The following GUCY2C variants were observed in gnomAD, a reference collection of about 807,000 sequenced individuals.
GUCY2C encodes the protein guanylate cyclase 2C.
Under a neutral mutation model 131.1 loss-of-function variants are expected in GUCY2C, and 118 were observed. The ratio of observed to expected loss-of-function variants is 0.90; its 90% CI spans 0.78 to 1.05. The LOEUF (loss-of-function observed/expected upper bound fraction) is 1.05. Ranked by LOEUF, GUCY2C falls within the 50% of genes least tolerant of loss-of-function variation. The pLI, the probability that GUCY2C is intolerant of heterozygous loss-of-function variation, is 0.00. For synonymous variants in GUCY2C, 452 were observed against 457.8 expected, an observed-to-expected ratio of 0.99 and a Z score of 0.16; for missense variants, 1,161 against 1,304.4, an observed-to-expected ratio of 0.89 and a Z score of 1.69.
intron 12 of GUCY2C, among the ~76,000 whole-genome samples, chr12:14,655,227 GT>G (rs1160284006): frequency 7.2e-5 from 11 of 152,280 alleles, no homozygotes; most frequent in Admixed American, 1.3e-4. Flanking sequence ...TTAACACTAG[GT>G]ACTTCCAGTT....
At chr12:14,653,623 C>T (rs769531873) in intron 12 of GUCY2C, among the ~76,000 whole-genome samples, 31 of 152,332 alleles carry the variant, frequency 2.0e-4, no homozygotes, top group South Asian at 1.4e-3. Flanking sequence ...CAACTGCAGG[C>T]CACATATGGC....
At chr12:14,654,846 G>C (rs1343745062) in intron 12 of GUCY2C, among the ~76,000 whole-genome samples, 1 of 152,250 alleles carries the variant, frequency 6.6e-6, no homozygotes, top group African/African-American at 2.4e-5. Context: ...CCTCTTCCTA[G>C]TGTTATATTA....
chr12:14,625,942 C>CT, intron 20 of GUCY2C, 27 bp from the exon 21 acceptor site: 3 of 1,362,530 alleles, frequency 2.2e-6, no homozygotes, highest in Non-Finnish European at 2.1e-6. Flanking sequence ...ATAAAGAGCT[C>CT]TTATATATTA....
chr12:14,688,966 G>A (rs541445066), intron 1 of GUCY2C, among the ~76,000 whole-genome samples: 17 of 152,216 alleles, frequency 1.1e-4, no homozygotes, highest in Admixed American at 2.0e-4. Context: ...CCATGTGGAC[G>A]TTAGTAAGTG....
chr12:14,672,071 C>T (rs911095358), intron 9 of GUCY2C, among the ~76,000 whole-genome samples: 5 of 67,256 alleles, frequency 7.4e-5, no homozygotes, highest in Non-Finnish European at 2.8e-5. Context: ...ATAACACTCA[C>T]ATTGGAAAAT....
intron 5 of GUCY2C, among the ~76,000 whole-genome samples, chr12:14,681,058 G>A (rs144717606): frequency 1.3e-5 from 2 of 152,268 alleles, no homozygotes; most frequent in Non-Finnish European, 2.9e-5. Context: ...ACAGTCTGCT[G>A]AGGGTGGGTC....
chr12:14,623,537 T>C (rs1410806648), intron 21 of GUCY2C, among the ~76,000 whole-genome samples: 3 of 152,232 alleles, frequency 2.0e-5, no homozygotes, highest in Non-Finnish European at 4.4e-5. Flanking sequence ...ATAGATGCAA[T>C]GACAAAATTG....
At chr12:14,673,921 C>G (rs559791127) in intron 8 of GUCY2C, among the ~76,000 whole-genome samples, 1 of 152,186 alleles carries the variant, frequency 6.6e-6, no homozygotes, top group Admixed American at 6.5e-5. Flanking sequence ...GTGCAGCCCT[C>G]AGTCCTAATG....
At chr12:14,679,391 C>T (rs1223390997) in intron 6 of GUCY2C, among the ~76,000 whole-genome samples, 1 of 152,056 alleles carries the variant, frequency 6.6e-6, no homozygotes, top group East Asian at 1.9e-4. Flanking sequence ...CTGAGCAGGC[C>T]TCAGTCATAA....
chr12:14,690,763 G>A (rs538766369), intron 1 of GUCY2C, among the ~76,000 whole-genome samples: 4 of 152,130 alleles, frequency 2.6e-5, no homozygotes, highest in African/African-American at 7.2e-5. Flanking sequence ...GGATGGTCTC[G>A]ATCTCCTGAC....
chr12:14,691,515 G>T (rs1230176833), intron 1 of GUCY2C, among the ~76,000 whole-genome samples: 2 of 152,162 alleles, frequency 1.3e-5, no homozygotes, highest in African/African-American at 4.8e-5. Flanking sequence ...TAGGGTTAGA[G>T]AGGGTCTTGG....
rs145023570 is a variant in GUCY2C, at chr12:14,677,173, G to T, written c.831-202C>A. On this transcript the variant is annotated intron_variant, in intron 6 of 26. Coordinates refer to ENST00000261170, the MANE Select transcript of GUCY2C (RefSeq NM_004963.4). ...TAAATAAGAGAATTTAAGCAATTGT[G>T]GTTAACATACACAAAAGGAAAAGAA... Among the ~76,000 whole-genome samples the T allele has an allele frequency of 3.8e-3, 584 of 152,204 alleles. 9 individuals are homozygous for T. The highest frequency in any genetic ancestry group is 0.013 in the African/African-American group (552 of 41,536).
At chr12:14,652,892 AG>A (rs1263310402) in intron 13 of GUCY2C, 59 bp downstream of exon 13, 2 of 1,062,348 alleles carry the variant, frequency 1.9e-6, no homozygotes, top group Non-Finnish European at 3.0e-6. Flanking sequence ...CAGGGCAATG[AG>A]GGGTCAAAAG....
chr12:14,643,581 T>G lies in GUCY2C; in HGVS notation c.1923A>C (p.Pro641=). 6.2e-7 allele frequency: 1 copy of G among 1,613,956 alleles called. No individual in the cohort carries two copies. Among genetic ancestry groups the G allele is most frequent in the African/African-American group, 1.3e-5 (1 of 75,048 alleles). The change falls in exon 17 of 27, where the codon CCA becomes CCC. Residue 641 remains proline (P), a synonymous_variant. Transcript: ENST00000261170. The part of the protein sequence containing the change: ...TDFGCNSILP[P]KKDLWTAPEH... ...ATTTCATTCATTACAGACCCTTTTT[T>G]GGAGGTAAAATGGAATTGCAGCCAA... is the stretch of plus-strand genomic sequence containing the variant.
chr12:14,614,625 G>A (rs58151259), intron 26 of GUCY2C: 1 of 442,462 alleles, frequency 2.3e-6, no homozygotes, highest in East Asian at 4.6e-5. Flanking sequence ...CTGTGTTCCA[G>A]ACAGGGAAGC....
At chr12:14,637,212 C>T (rs868724826) in intron 19 of GUCY2C, among the ~76,000 whole-genome samples, 1 of 69,686 alleles carries the variant, frequency 1.4e-5, no homozygotes, top group African/African-American at 4.3e-5. Flanking sequence ...AAAAAAAAAA[C>T]CACCTAGGAA....
chr12:14,651,761 A>G (rs1947664229), intron 14 of GUCY2C, among the ~76,000 whole-genome samples, 198 bp downstream of exon 14: 1 of 152,224 alleles, frequency 6.6e-6, no homozygotes, highest in East Asian at 1.9e-4. Flanking sequence ...TCCAGGAAAG[A>G]CTAGTAGATT....
At chr12:14,682,932 C>A in intron 4 of GUCY2C, 110 bp downstream of exon 4, 1 of 691,540 alleles carries the variant, frequency 1.4e-6, no homozygotes, top group South Asian at 1.7e-5. Flanking sequence ...ATGTCTATAC[C>A]CAATGCTGTT....
chr12:14,641,968 A>C lies in GUCY2C; in HGVS notation c.1931-749T>G, dbSNP rs11056075. Among the ~76,000 whole-genome samples the C allele has an allele frequency of 1.4e-3, 213 of 152,110 alleles. 3 individuals are homozygous for C. The South Asian group carries it at 0.019, about 13-fold the overall frequency. On this transcript the variant is annotated intron_variant, in intron 17 of 26. Coordinates refer to ENST00000261170, the MANE Select transcript of GUCY2C (RefSeq NM_004963.4). ...AAAAATACAAATTTTATGTGTACTA[A>C]ATTTATTTTATTTAAATTATTATAA...
Sources: gnomAD v4.1 joint callset for allele counts (sites outside exome capture counted in the v4.1 genomes callset) on GRCh38, gnomAD v4.1.1 for gene constraint, MANE v1.5 for transcripts, NCBI Gene and HGNC (gene_info 2026-07-23, HGNC 2026-07-21) for gene names.